CABYR: variants seen among roughly 807,000 people sequenced by gnomAD.
CABYR encodes the protein calcium-binding tyrosine phosphorylation-regulated protein.
In CABYR, 31 loss-of-function variants were observed where a neutral mutation model predicts 36.1. The ratio of observed to expected loss-of-function variants is 0.86; its 90% CI spans 0.64 to 1.16. The LOEUF (loss-of-function observed/expected upper bound fraction) is 1.16, where lower values mean the gene tolerates loss of function less well. Ranked by LOEUF, CABYR falls within the 50% of genes most tolerant of loss-of-function variation. The pLI is 0.00. For missense variants in CABYR, 429 were observed against 455.8 expected, an observed-to-expected ratio of 0.94 and a Z score of 0.53; for synonymous variants, 146 against 160.7, an observed-to-expected ratio of 0.91 and a Z score of 0.69.
At chr18:24,156,083 A>C in intron 4 of CABYR, 41 bp downstream of exon 4, 1 of 1,614,166 alleles carries the variant, frequency 6.2e-7, no homozygotes, top group Admixed American at 1.7e-5. Flanking sequence ...CTGATGTGTT[A>C]ATGGTGGATG....
At chr18:24,149,896 CA>C (rs2145867413) in intron 3 of CABYR, among the ~76,000 whole-genome samples, 1 of 152,346 alleles carries the variant, frequency 6.6e-6, no homozygotes, top group African/African-American at 2.4e-5. Flanking sequence ...AGCTGGCCCG[CA>C]AGCGCGGCGC....
At chr18:24,160,397 G>A (rs1443173214) in intron 5 of CABYR, 6 of 260,506 alleles carry the variant, frequency 2.3e-5, no homozygotes, top group Non-Finnish European at 3.6e-5. Flanking sequence ...TTTAAAACAG[G>A]ACAATTTAGT....
At chr18:24,160,562 T>TTAAC (rs1192223425) in intron 5 of CABYR, among the ~76,000 whole-genome samples, 2 of 152,324 alleles carry the variant, frequency 1.3e-5, no homozygotes, top group African/African-American at 4.8e-5. Flanking sequence ...ACAGCTGAGA[T>TTAAC]TAACTGTGGA....
chr18:24,159,961 A>G lies in CABYR; in HGVS notation c.1031A>G (p.Lys344Arg), dbSNP rs773307634. The G allele has an allele frequency of 1.9e-6, 3 of 1,614,180 alleles. No individual in the cohort carries two copies. In the East Asian group the frequency reaches 6.7e-5, roughly 36 times the overall value. The change falls in exon 5 of 6, where the codon AAA becomes AGA. Residue 344 changes from lysine (K) to arginine (R), a missense_variant. Coordinates refer to ENST00000399496, the MANE Select transcript of CABYR (RefSeq NM_153769.3). ...VAFPVEDVAK[K>R]SSGSGDKCAP... ...TTCCCAGTAGAAGATGTAGCTAAAA[A>G]AAGTTCAGGATCTGGTGACAAATGT...
At chr18:24,161,063 C>T (rs75467386) in intron 5 of CABYR, among the ~76,000 whole-genome samples, 8,405 of 152,090 alleles carry the variant, frequency 0.055, 476 homozygotes, top group East Asian at 0.16. Context: ...ATCACTCAGG[C>T]TGCTATGTGG....
In CABYR at chr18:24,161,510, T is replaced by C. The variant is rs745993815; in HGVS notation, c.*-6T>C. The stretch of plus-strand genomic sequence containing the variant: ...AACAATTCAATGTTTGCATTATTCC[T>C]AACAGATCCAGAAATGACGCTGTCT... On this transcript the variant is annotated splice_polypyrimidine_tract_variant and splice_region_variant and intron_variant, in intron 5 of 5. Transcript: ENST00000399496. 2.0e-5 allele frequency: 16 copies of C among 780,534 alleles called. No homozygotes were observed. Among genetic ancestry groups the C allele is most frequent in the Admixed American group, 3.4e-5 (2 of 58,986 alleles). The allele number at this position is 780,534 out of a possible 1,614,324, so 48.4% of individuals were successfully genotyped here.
chr18:24,159,579 C>G lies in CABYR; in HGVS notation c.649C>G (p.Pro217Ala). Residue 217 changes from proline to alanine, a missense_variant, in exon 5 of 6, where the codon CCT becomes GCT. Pro to Ala is a conservative substitution (Grantham distance 27). Coordinates refer to ENST00000399496, the MANE Select transcript of CABYR (RefSeq NM_153769.3). ...QQGHPSPPPA[P>A]GPFPQATLYL... ...AGGTCACCCATCACCGCCACCTGCACCTGGGCCTTTTCCCCAAGCAACCCT... is the reference window on the plus strand; with the variant it reads ...AGGTCACCCATCACCGCCACCTGCAGCTGGGCCTTTTCCCCAAGCAACCCT... The G allele has an allele frequency of 6.2e-7, 1 of 1,614,098 alleles. No individual in the cohort carries two copies.
At chr18:24,144,750 T>A (rs1031005810) in intron 3 of CABYR, among the ~76,000 whole-genome samples, 2 of 152,220 alleles carry the variant, frequency 1.3e-5, no homozygotes, top group African/African-American at 4.8e-5. Context: ...GGAGAATCTT[T>A]AATAAAGGAG....
At chr18:24,157,573 G>A (rs1392035603) in intron 4 of CABYR, among the ~76,000 whole-genome samples, 1 of 152,120 alleles carries the variant, frequency 6.6e-6, no homozygotes, top group East Asian at 1.9e-4. Context: ...GATGGAGAGG[G>A]GAAAGGTCAG....
chr18:24,149,569 G>A (rs1267093245), intron 3 of CABYR, among the ~76,000 whole-genome samples: 1 of 152,266 alleles, frequency 6.6e-6, no homozygotes, highest in East Asian at 1.9e-4. Context: ...CTCAGCCCTT[G>A]GGTGGTCGAT....
rs59877335 is a variant in CABYR at position 24,158,019 on chromosome 18, A to G, written c.542-1453A>G. ...TGACAGGGATTCTGCACAGCTGGAA[A>G]GGCAGAGGGCAGCGCTGGGAGTGGA... On this transcript the variant is annotated intron_variant, in intron 4 of 5. Coordinates refer to ENST00000399496, the MANE Select transcript of CABYR (RefSeq NM_153769.3). 7.0e-3 allele frequency among the ~76,000 whole-genome samples: 1,068 copies of G among 152,300 alleles called. 12 individuals are homozygous for G. The highest frequency in any genetic ancestry group is 0.025 in the African/African-American group (1,026 of 41,564).
chr18:24,143,721 T>G (rs1599371902), intron 3 of CABYR, among the ~76,000 whole-genome samples: 1 of 151,976 alleles, frequency 6.6e-6, no homozygotes. Context: ...TTTTTGATAG[T>G]GATGGGGTCT....
intron 4 of CABYR, 96 bp downstream of exon 4, chr18:24,156,138 G>T (rs1447924699): frequency 1.2e-6 from 2 of 1,614,096 alleles, no homozygotes; most frequent in Non-Finnish European, 1.7e-6. Flanking sequence ...GCCAAGCTCA[G>T]AGGCTGCTGA....
chr18:24,156,084 A>T, intron 4 of CABYR, 42 bp downstream of exon 4: 1 of 1,614,182 alleles, frequency 6.2e-7, no homozygotes, highest in Non-Finnish European at 8.5e-7. Flanking sequence ...TGATGTGTTA[A>T]TGGTGGATGT....
At chr18:24,155,308 T>C (rs1037312031) in intron 3 of CABYR, among the ~76,000 whole-genome samples, 16 of 152,326 alleles carry the variant, frequency 1.1e-4, no homozygotes, top group African/African-American at 3.8e-4. Flanking sequence ...ATCTGATTAT[T>C]AGTCTTGCTA....
At chr18:24,160,961 A>G (rs2085957727) in intron 5 of CABYR, 1 of 152,444 alleles carries the variant, frequency 6.6e-6, no homozygotes, top group Non-Finnish European at 1.5e-5. Context: ...GGGAGATTAT[A>G]TAAAATGAAG....
intron 3 of CABYR, among the ~76,000 whole-genome samples, chr18:24,149,219 G>A (rs991926742): frequency 6.0e-5 from 9 of 149,908 alleles, no homozygotes; most frequent in East Asian, 3.9e-4. Flanking sequence ...TGATTGGTGC[G>A]TTTACAAACC....
intron 4 of CABYR, 33 bp from the exon 5 acceptor site, chr18:24,159,439 A>C (rs1180877672): frequency 3.9e-6 from 6 of 1,544,352 alleles, no homozygotes; most frequent in African/African-American, 1.4e-5. Context: ...ACAGAGACCA[A>C]AACTTTAATT....
At position 24,143,039 on chromosome 18, in the gene CABYR, A is replaced by AC. The variant is rs1568456357; in HGVS notation, c.-24-52_-24-51insC. On this transcript the variant is annotated intron_variant, in intron 1 of 5. Coordinates refer to ENST00000399496, the MANE Select transcript of CABYR (RefSeq NM_153769.3). Reference sequence around the variant, plus strand: ...CAGAGTCTCAAAAAAAAAAAAAAAAAAAACCTATTTTAGTAAAACTAATTA... The same window carrying AC: ...CAGAGTCTCAAAAAAAAAAAAAAAAACAAACCTATTTTAGTAAAACTAATTA... 574 of 1,313,728 alleles carry AC rather than the reference A, an allele frequency of 4.4e-4. 1 individual carries two copies. The highest frequency in any genetic ancestry group is 9.1e-4 in the South Asian group (59 of 64,532). 81.4% of individuals were successfully genotyped at this position (1,313,728 alleles called of 1,614,324 possible).
Sources: gnomAD v4.1 joint callset for allele counts (sites outside exome capture counted in the v4.1 genomes callset) on GRCh38, gnomAD v4.1.1 for gene constraint, MANE v1.5 for transcripts, NCBI Gene and HGNC (gene_info 2026-07-23, HGNC 2026-07-21) for gene names.